The following THOC2 variants were observed in gnomAD, a reference collection of about 807,000 sequenced individuals.
The protein encoded by THOC2 is THO complex 2.
A neutral mutation model predicts 128.4 loss-of-function variants in THOC2; 10 were observed. The observed-to-expected ratio is 0.08, with a 90% CI of 0.05 to 0.13. The LOEUF is 0.13. THOC2 is among the 10% of genes least tolerant of loss of function. The pLI is 1.00. For synonymous variants in THOC2, 393 were observed against 396.9 expected (o/e 0.99, Z 0.12); for missense variants, 535 against 1,155.7 (o/e 0.46, Z 7.79).
At chrX:123,725,447 GA>G (rs200385541) in intron 1 of THOC2, among the ~76,000 whole-genome samples, 3 of 95,638 alleles carry the variant, frequency 3.1e-5, no homozygotes, top group Non-Finnish European at 4.2e-5. Flanking sequence ...AAAAAAAATA[GA>G]AAAAAAAAGT....
At chrX:123,638,151 C>G (rs1437014379) in intron 17 of THOC2, 28 bp from the exon 18 acceptor site, 1 of 993,045 alleles carries the variant, frequency 1.0e-6, no homozygotes, top group Non-Finnish European at 1.4e-6. Flanking sequence ...AAAACTAAGT[C>G]ATTACATCTC....
chrX:123,610,779 T>C, intron 38 of THOC2, 139 bp downstream of exon 38: 3 of 474,895 alleles, frequency 6.3e-6, no homozygotes, highest in Non-Finnish European at 1.0e-5. Flanking sequence ...TTTGCATCTA[T>C]ACCCGAAGAC....
rs1400667659 is a variant in THOC2, at chrX:123,679,970, G to C, written c.768+6578C>G. ...ACAAAACACTGCGGAAGGCTGCAGG[G>C]ACCCCTGCCTAGGAAAGCCAGGTAT... is the stretch of plus-strand genomic sequence containing the variant. On this transcript the variant is annotated intron_variant, in intron 8 of 38. Transcript: ENST00000245838. Among the ~76,000 whole-genome samples the C allele has an allele frequency of 4.5e-5, 5 of 112,261 alleles. No homozygotes were observed. In the East Asian group the frequency reaches 1.4e-3, roughly 31 times the overall value.
chrX:123,624,668 A>G lies in THOC2; in HGVS notation c.3059T>C (p.Val1020Ala). The G allele has an allele frequency of 8.3e-7, 1 of 1,200,333 alleles. No homozygotes were observed. The highest frequency in any genetic ancestry group is 1.1e-6 in the Non-Finnish European group (1 of 888,849). ...NFSTLLCYDR[V>A]FSDIIYTVAS... ...AACTGTGTAAATTATGTCAGAGAAA[A>G]CCTACAGGAGAAAAATGTTTAAAAA... Residue 1020 changes from valine (V) to alanine (A), a missense_variant and splice_region_variant, in exon 26 of 39, where the codon GTT becomes GCT. Transcript: ENST00000245838.
At chrX:123,689,650 T>C (rs183681308) in intron 7 of THOC2, among the ~76,000 whole-genome samples, 2 of 111,036 alleles carry the variant, frequency 1.8e-5, no homozygotes, top group Admixed American at 1.9e-4. Context: ...AAACTCCTAG[T>C]CTCAAGTGAT....
chrX:123,731,575 T>A (rs2052258154), intron 1 of THOC2, among the ~76,000 whole-genome samples: 1 of 112,205 alleles, frequency 8.9e-6, no homozygotes, highest in Non-Finnish European at 1.9e-5. Context: ...TTATTTAGTC[T>A]TCACAACAAT....
Position 123,624,608 on chromosome X carries a change from C to T in THOC2, c.3119G>A (p.Gly1040Glu). The T allele has an allele frequency of 8.3e-7, 1 of 1,209,592 alleles. No homozygotes were observed. The highest frequency in any genetic ancestry group is 1.1e-6 in the Non-Finnish European group (1 of 893,728). ...SCTENEASRY[G>E]RFLCCMLETV... ...CTCTAACATGCAGCAAAGAAACCTT[C>T]CGTATCGACTGGCTTCATTTTCAGT... Residue 1040 changes from glycine (G) to glutamate (E), a missense_variant, in exon 26 of 39, where the codon GGA becomes GAA. Around this residue, in one of 9 missense-constraint regions of THOC2, gnomAD observed 90 missense variants for 298.6 expected, o/e 0.30. Transcript: ENST00000245838.
chrX:123,661,441 A>C (rs1030626128), intron 12 of THOC2, among the ~76,000 whole-genome samples: 1 of 110,507 alleles, frequency 9.0e-6, no homozygotes, highest in African/African-American at 3.3e-5. Flanking sequence ...AAAAAACCCA[A>C]AAAAACAAAA....
At chrX:123,629,970 T>C (rs1211001569) in intron 22 of THOC2, among the ~76,000 whole-genome samples, 1 of 111,928 alleles carries the variant, frequency 8.9e-6, no homozygotes, top group Non-Finnish European at 1.9e-5. Flanking sequence ...ACCTCAACAA[T>C]TAAAACTAAA....
intron 12 of THOC2, among the ~76,000 whole-genome samples, chrX:123,664,230 T>C (rs373455381): frequency 2.7e-5 from 3 of 112,292 alleles, no homozygotes; most frequent in Non-Finnish European, 3.8e-5. Context: ...GACTTAAATG[T>C]TAGTCCTAAA....
chrX:123,656,520 C>T (rs1015651794), intron 12 of THOC2, among the ~76,000 whole-genome samples: 4 of 110,472 alleles, frequency 3.6e-5, no homozygotes, highest in African/African-American at 1.3e-4. Context: ...ACCAGCCTAG[C>T]CAACATGGCG....
At chrX:123,729,305 T>A (rs2052130025) in intron 1 of THOC2, among the ~76,000 whole-genome samples, 1 of 112,041 alleles carries the variant, frequency 8.9e-6, no homozygotes. Flanking sequence ...TAATGGGATA[T>A]CTAGATATGT....
intron 30 of THOC2, 36 bp from the exon 31 acceptor site, chrX:123,621,623 A>G (rs1273885796): frequency 1.0e-6 from 1 of 959,818 alleles, no homozygotes; most frequent in East Asian, 3.2e-5. Flanking sequence ...AACACAAATA[A>G]TCATAAAATA....
chrX:123,717,900 G>A (rs1028690066), intron 1 of THOC2, among the ~76,000 whole-genome samples: 20 of 112,431 alleles, frequency 1.8e-4, no homozygotes, highest in African/African-American at 6.5e-4. Flanking sequence ...TGCGTCCGCA[G>A]GTTCCGCATC....
At chrX:123,730,139 G>T (rs966585787) in intron 1 of THOC2, among the ~76,000 whole-genome samples, 2 of 107,646 alleles carry the variant, frequency 1.9e-5, no homozygotes, top group Non-Finnish European at 3.8e-5. Flanking sequence ...CTAATAACAG[G>T]TTTTTTTGCT....
intron 1 of THOC2, among the ~76,000 whole-genome samples, chrX:123,726,214 A>AAAT (rs1348041507): frequency 2.8e-5 from 3 of 108,799 alleles, no homozygotes; most frequent in South Asian, 4.0e-4. Flanking sequence ...GTCTCAAAAA[A>AAAT]AATAATAATA....
chrX:123,666,020 C>T (rs1258287006), intron 11 of THOC2, among the ~76,000 whole-genome samples, 183 bp from the exon 12 acceptor site: 1 of 110,814 alleles, frequency 9.0e-6, no homozygotes, highest in Non-Finnish European at 1.9e-5. Flanking sequence ...CCAGATAATT[C>T]TCAACTGGTA....
chrX:123,616,529 A>T (rs1232933979), intron 33 of THOC2, among the ~76,000 whole-genome samples: 1 of 111,119 alleles, frequency 9.0e-6, no homozygotes, highest in Non-Finnish European at 1.9e-5. Context: ...ATATTATATA[A>T]AGATGGCCTC....
chrX:123,620,943 A>G lies in THOC2; in HGVS notation c.4239T>C (p.Asp1413=), dbSNP rs368452124. Residue 1413 remains aspartate (D), a synonymous_variant, in exon 32 of 39, where the codon GAT becomes GAC. Transcript: ENST00000245838. ...PEREQKRRKI[D]THPSPSHSST... ...AGGAATGTGATGGAGAAGGGTGAGTATCAATTTTGCGGCGTTTTTGTTCTG... is the reference window on the plus strand; with the variant it reads ...AGGAATGTGATGGAGAAGGGTGAGTGTCAATTTTGCGGCGTTTTTGTTCTG... The G allele has an allele frequency of 4.1e-6, 5 of 1,208,762 alleles. No homozygotes were observed. The African/African-American group carries it at 8.8e-5, about 21-fold the overall frequency.
Sources: gnomAD v4.1 joint callset for allele counts (sites outside exome capture counted in the v4.1 genomes callset) on GRCh38, gnomAD v4.1.1 for gene constraint, gnomAD v4.1.1 regional missense constraint, MANE v1.5 for transcripts, NCBI Gene and HGNC (gene_info 2026-07-23, HGNC 2026-07-21) for gene names.